SLC2A9: variants seen among roughly 807,000 people sequenced by gnomAD.
SLC2A9 encodes the protein solute carrier family 2 member 9.
Under a neutral mutation model 50.6 loss-of-function variants are expected in SLC2A9, and 39 were observed. The observed-to-expected ratio is 0.77, with a 90% confidence interval of 0.60 to 1.01. The LOEUF (loss-of-function observed/expected upper bound fraction) is 1.01. Among genes scored for constraint, SLC2A9 ranks in the 50% least tolerant of loss-of-function variants. The pLI is 0.00. For missense variants in SLC2A9, 686 were observed against 677.6 expected (o/e 1.01, Z -0.14); for synonymous variants, 324 against 276.9 (o/e 1.17, Z -1.69).
At chr4:9,805,121 G>A (rs571871470) in intron 3 of SLC2A9, among the ~76,000 whole-genome samples, 2 of 152,222 alleles carry the variant, frequency 1.3e-5, no homozygotes, top group South Asian at 4.1e-4. Context: ...GGGCTAGGCT[G>A]AGTTAGGCCA....
intron 3 of SLC2A9, among the ~76,000 whole-genome samples, chr4:9,811,131 A>G (rs1722837035): frequency 6.8e-6 from 1 of 147,958 alleles, no homozygotes; most frequent in East Asian, 2.0e-4. Flanking sequence ...CCCTCCTGGG[A>G]TGGACTCAGG....
At chr4:9,784,418 T>C (rs1369934123) in intron 3 of SLC2A9, among the ~76,000 whole-genome samples, 2 of 152,248 alleles carry the variant, frequency 1.3e-5, no homozygotes, top group Non-Finnish European at 2.9e-5. Flanking sequence ...AACTGTAGCA[T>C]GTTTTAGAAT....
intron 10 of SLC2A9, among the ~76,000 whole-genome samples, chr4:9,845,663 C>T (rs1450899614): frequency 6.6e-6 from 1 of 151,674 alleles, no homozygotes; most frequent in Non-Finnish European, 1.5e-5. Context: ...ATCTCCTGAC[C>T]TCGTGATCCG....
chr4:9,972,376 T>TA (rs1192570174), intron 5 of SLC2A9, among the ~76,000 whole-genome samples: 1 of 149,820 alleles, frequency 6.7e-6, no homozygotes, highest in East Asian at 2.5e-4. Context: ...TTGATTTGTT[T>TA]TAAAAAAAAT....
intron 3 of SLC2A9, among the ~76,000 whole-genome samples, chr4:9,817,245 C>G (rs1233135685): frequency 6.6e-6 from 1 of 152,228 alleles, no homozygotes; most frequent in Non-Finnish European, 1.5e-5. Flanking sequence ...CCCATTTGCC[C>G]TGTAAGTTAA....
intron 11 of SLC2A9, among the ~76,000 whole-genome samples, chr4:9,831,150 G>A (rs75110348): frequency 0.021 from 3,212 of 152,196 alleles, 44 homozygotes; most frequent in Non-Finnish European, 0.027. Context: ...ATACTTATTG[G>A]AATAAGTGAA....
intron 3 of SLC2A9, among the ~76,000 whole-genome samples, chr4:9,816,687 A>G (rs1164461137): frequency 6.6e-6 from 1 of 152,214 alleles, no homozygotes; most frequent in Non-Finnish European, 1.5e-5. Flanking sequence ...CGAGTTCTAC[A>G]TCTTAAATGT....
chr4:9,915,229 T>A (rs1021226688), intron 7 of SLC2A9, among the ~76,000 whole-genome samples: 2 of 152,224 alleles, frequency 1.3e-5, no homozygotes, highest in Non-Finnish European at 2.9e-5. Context: ...CCTATGTGAA[T>A]GACCCCATGC....
intron 10 of SLC2A9, among the ~76,000 whole-genome samples, chr4:9,866,256 T>A (rs985724751): frequency 3.3e-5 from 5 of 151,812 alleles, no homozygotes; most frequent in Non-Finnish European, 7.4e-5. Context: ...ATTATTATTA[T>A]TGAAAGATCT....
intron 3 of SLC2A9, among the ~76,000 whole-genome samples, chr4:9,994,722 C>T (rs996169462): frequency 1.3e-5 from 2 of 152,040 alleles, no homozygotes; most frequent in African/African-American, 2.4e-5. Flanking sequence ...TGCTGAGCCA[C>T]GGCATTCTGA....
chr4:9,954,395 C>A (rs769642801), intron 5 of SLC2A9, among the ~76,000 whole-genome samples: 8 of 152,258 alleles, frequency 5.3e-5, no homozygotes, highest in Non-Finnish European at 8.8e-5. Flanking sequence ...GCAACCCTTG[C>A]TCCCCACTCC....
rs371291756 is a variant in SLC2A9, at chr4:10,019,010, C to T, written c.214G>A (p.Gly72Ser). Residue 72 changes from glycine (G) to serine (S), a missense_variant, in exon 2 of 12, where the codon GGC (glycine) becomes AGC (serine). By Grantham distance (56) the Gly-to-Ser change is moderately conservative. Transcript: ENST00000264784. ...GCATTCACCACCGACAGGTTGTAGCCGTAGAGGAAGGAGGAGCCGAAGGCG... is the reference window on the plus strand; with the variant it reads ...GCATTCACCACCGACAGGTTGTAGCTGTAGAGGAAGGAGGAGCCGAAGGCG... The part of the protein sequence containing the change: ...AGAFGSSFLY[G>S]YNLSVVNAPT... 6.4e-7 allele frequency: 1 copy of T among 1,550,674 alleles called. No homozygotes were observed. Among genetic ancestry groups the T allele is most frequent in the Non-Finnish European group, 8.7e-7 (1 of 1,146,970 alleles).
At chr4:10,018,688 C>T (rs968848863) in intron 2 of SLC2A9, among the ~76,000 whole-genome samples, 1 of 152,172 alleles carries the variant, frequency 6.6e-6, no homozygotes, top group African/African-American at 2.4e-5. Context: ...GGATCGCCCC[C>T]CACCCCACCC....
intron 2 of SLC2A9, among the ~76,000 whole-genome samples, chr4:10,016,751 AC>A (rs1762677384): frequency 1.3e-5 from 2 of 152,054 alleles, no homozygotes; most frequent in African/African-American, 4.8e-5. Flanking sequence ...TGTTCTCAGG[AC>A]CTCCTGAGGG....
At chr4:9,777,281 G>T (rs1467861404), downstream of SLC2A9, among the ~76,000 whole-genome samples, 1 of 144,028 alleles carries the variant, frequency 6.9e-6, no homozygotes. Context: ...GAGCTCCCTT[G>T]CCCCCGTCTC....
intron 10 of SLC2A9, among the ~76,000 whole-genome samples, chr4:9,844,615 A>C (rs1050442691): frequency 6.6e-6 from 1 of 152,208 alleles, no homozygotes; most frequent in African/African-American, 2.4e-5. Flanking sequence ...TTTCCTCCAG[A>C]TCTCTGTTCT....
chr4:9,957,687 T>C (rs1384016112), intron 5 of SLC2A9, among the ~76,000 whole-genome samples: 1 of 152,108 alleles, frequency 6.6e-6, no homozygotes, highest in Non-Finnish European at 1.5e-5. Context: ...ATTAAAAATA[T>C]GATAAAATAA....
rs140689554 is a variant in SLC2A9, at chr4:9,867,476, C to A, written c.1291+20091G>T. On this transcript the variant is annotated intron_variant, in intron 10 of 11. Transcript: ENST00000264784. Reference sequence around the variant, plus strand: ...CCATGCTTGGCCCATAATAAGTACTCAATAAATAGTATTGGTGATAATGAT... The same window carrying A: ...CCATGCTTGGCCCATAATAAGTACTAAATAAATAGTATTGGTGATAATGAT... Among the ~76,000 whole-genome samples the A allele has an allele frequency of 2.9e-3, 441 of 152,134 alleles. 6 individuals are homozygous for A. The highest frequency in any genetic ancestry group is 0.01 in the African/African-American group (433 of 41,488).
chr4:9,861,717 G>T (rs1731691520), intron 10 of SLC2A9, among the ~76,000 whole-genome samples: 1 of 151,984 alleles, frequency 6.6e-6, no homozygotes, highest in South Asian at 2.1e-4. Context: ...ATGAATGAAT[G>T]AATGAATGAA....
Sources: allele counts gnomAD v4.1 joint callset (sites outside exome capture counted in the v4.1 genomes callset), GRCh38; gene constraint gnomAD v4.1.1; transcripts MANE v1.5; gene names NCBI Gene and HGNC (gene_info 2026-07-23, HGNC 2026-07-21).